Variants in DNA2 observed in about 807,000 individuals in gnomAD.
DNA2 encodes the protein DNA replication ATP-dependent helicase/nuclease DNA2.
A neutral mutation model predicts 119.1 loss-of-function variants in DNA2; 101 were observed. That is an observed-to-expected ratio of 0.85 (90% CI 0.72 to 1.00). The LOEUF (loss-of-function observed/expected upper bound fraction) is 1.00, where lower values mean the gene tolerates loss of function less well. DNA2 is among the 50% of genes least tolerant of loss of function. The pLI, the probability that DNA2 is intolerant of heterozygous loss-of-function variation, is 0.00. For missense variants in DNA2, 1,121 were observed against 1,255.5 expected (o/e 0.89, Z 1.62); for synonymous variants, 366 against 424.4 (o/e 0.86, Z 1.69).
At position 68,471,703 on chromosome 10, in the gene DNA2, C is replaced by A; in HGVS notation, c.74+88G>T. 3 of 1,428,296 alleles carry A rather than the reference C, an allele frequency of 2.1e-6. No homozygotes were observed. The South Asian group carries it at 4.6e-5, about 22-fold the overall frequency. 88.5% of individuals were successfully genotyped at this position (1,428,296 alleles called of 1,614,324 possible). A position where few individuals can be genotyped will look rare whatever the true frequency, so the allele number is the denominator to read the frequency against. On this transcript the variant is annotated intron_variant, in intron 1 of 20. Coordinates refer to ENST00000358410, the MANE Select transcript of DNA2 (RefSeq NM_001080449.3). ...CGGGTCCCTGGGCCCCGGGCCCGGT[C>A]AGTCTGAGGCGGTGCGGACGCAGCC...
At chr10:68,431,776 C>A in intron 13 of DNA2, 86 bp downstream of exon 13, 1 of 843,538 alleles carries the variant, frequency 1.2e-6, no homozygotes, top group Non-Finnish European at 1.9e-6. Context: ...AAATTCAGCC[C>A]TTTTGATATT....
intron 4 of DNA2, among the ~76,000 whole-genome samples, chr10:68,464,829 C>CAAAAAAAA (rs71009067): frequency 2.0e-4 from 8 of 40,666 alleles, no homozygotes; most frequent in African/African-American, 6.7e-4. Flanking sequence ...AACTCCACCT[C>CAAAAAAAA]AAAAAAAAAA....
rs10998206 is a variant in DNA2, at chr10:68,468,492, T to C, written c.258-186A>G. On this transcript the variant is annotated intron_variant, in intron 2 of 20. Coordinates refer to ENST00000358410, the MANE Select transcript of DNA2 (RefSeq NM_001080449.3). ...ACAGTCTTCTAAAACAACCCCTAGT[T>C]ATTCTACCCCTTTCTATGTGTCAAA... Among the ~76,000 whole-genome samples, 44,784 of 151,938 alleles carry C rather than the reference T, an allele frequency of 0.29. 7,273 individuals are homozygous for C. The highest frequency in any genetic ancestry group is 0.42 in the African/African-American group (17,498 of 41,430).
chr10:68,471,556 A>C (rs1271546836), intron 1 of DNA2, among the ~76,000 whole-genome samples: 2 of 152,076 alleles, frequency 1.3e-5, no homozygotes, highest in Non-Finnish European at 2.9e-5. Flanking sequence ...AGGTGAAATC[A>C]AGGGAAACAA....
chr10:68,449,945 G>C, intron 6 of DNA2, 83 bp downstream of exon 6: 1 of 1,024,218 alleles, frequency 9.8e-7, no homozygotes, highest in East Asian at 2.6e-5. Flanking sequence ...CTGCTCTCCA[G>C]CCTGGGAGAC....
rs1215519482 is a variant in DNA2, at chr10:68,432,449, C to T, written c.1708G>A (p.Asp570Asn). The change falls in exon 11 of 21, where the codon GAT becomes AAT. Residue 570 changes from aspartate (D) to asparagine (N), a missense_variant. Transcript: ENST00000358410. ...AGATTTCCTAATGGGGTATCTATATCACAATTTTTTTCTTCTTGGTCTAAT... is the reference window on the plus strand; with the variant it reads ...AGATTTCCTAATGGGGTATCTATATTACAATTTTTTTCTTCTTGGTCTAAT... ...FRLDQEEKNC[D>N]IDTPLGNLSK... The T allele has an allele frequency of 4.4e-6, 7 of 1,593,988 alleles. No individual in the cohort carries two copies. The highest frequency in any genetic ancestry group is 6.0e-6 in the Non-Finnish European group (7 of 1,170,340).
chr10:68,437,401 C>T (rs1306476248), intron 9 of DNA2, among the ~76,000 whole-genome samples, 160 bp from the exon 10 acceptor site: 3 of 151,430 alleles, frequency 2.0e-5, no homozygotes, highest in Non-Finnish European at 4.4e-5. Flanking sequence ...TCCAGGAGGC[C>T]GAGGCGGGTG....
At chr10:68,465,616 C>T (rs1590076648) in intron 4 of DNA2, 51 bp downstream of exon 4, 1 of 1,353,262 alleles carries the variant, frequency 7.4e-7, no homozygotes, top group Non-Finnish European at 1.0e-6. Flanking sequence ...GTTTCTAGGA[C>T]AGAAGTTATA....
intron 14 of DNA2, among the ~76,000 whole-genome samples, chr10:68,425,690 C>G (rs528689437): frequency 6.6e-6 from 1 of 151,342 alleles, no homozygotes; most frequent in Non-Finnish European, 1.5e-5. Flanking sequence ...CGTGAGACAC[C>G]GCGCCCGGCC....
chr10:68,419,549 T>A, intron 18 of DNA2: 1 of 525,808 alleles, frequency 1.9e-6, no homozygotes, highest in East Asian at 3.1e-5. Flanking sequence ...CAATTCCTAA[T>A]CACTACAACA....
In DNA2 at chr10:68,425,138, A is replaced by AGT. The variant is rs2051721731; in HGVS notation, c.2209-2249_2209-2248insAC. ...GAGACAGAGTCTTGCTCTGTAGCCCAGGCTGGAGTGCAGTGGCATTATCTC... is the reference window on the plus strand; with the variant it reads ...GAGACAGAGTCTTGCTCTGTAGCCCAGTGGCTGGAGTGCAGTGGCATTATCTC... On this transcript the variant is annotated intron_variant, in intron 14 of 20. Transcript: ENST00000358410. 1.6e-5 allele frequency: 4 copies of AGT among 244,884 alleles called. No individual in the cohort carries two copies. In the South Asian group the frequency reaches 1.7e-4, roughly 10 times the overall value. The allele number at this position is 244,884 out of a possible 1,614,324, so 15.2% of individuals were successfully genotyped here.
intron 19 of DNA2, among the ~76,000 whole-genome samples, chr10:68,417,896 G>T (rs1460203105): frequency 6.6e-6 from 1 of 152,092 alleles, no homozygotes; most frequent in African/African-American, 2.4e-5. Context: ...GTGAAATAAG[G>T]TAGTCACAAA....
chr10:68,417,977 A>C (rs2051613603), intron 19 of DNA2, among the ~76,000 whole-genome samples: 2 of 152,234 alleles, frequency 1.3e-5, no homozygotes, highest in African/African-American at 4.8e-5. Context: ...AGAATGTAGA[A>C]TGGTGGTTAC....
intron 17 of DNA2, among the ~76,000 whole-genome samples, chr10:68,420,391 G>C (rs2051649072): frequency 6.6e-6 from 1 of 152,160 alleles, no homozygotes; most frequent in Non-Finnish European, 1.5e-5. Context: ...ACAAAAATTA[G>C]CTGGGCGTGG....
At chr10:68,461,828 C>CAAAAAAA (rs554059657) in intron 4 of DNA2, among the ~76,000 whole-genome samples, 5 of 70,282 alleles carry the variant, frequency 7.1e-5, no homozygotes, top group African/African-American at 1.2e-4. Flanking sequence ...AACTCCGTCT[C>CAAAAAAA]AAAAAAAAAA....
chr10:68,425,137 C>G, intron 14 of DNA2: 1 of 260,462 alleles, frequency 3.8e-6, no homozygotes, highest in Non-Finnish European at 7.2e-6. Flanking sequence ...CTCTGTAGCC[C>G]AGGCTGGAGT....
rs184425083 is a variant in DNA2, at chr10:68,471,948, C to T, written c.-84G>A. 1.9e-6 allele frequency: 3 copies of T among 1,612,454 alleles called. No individual in the cohort carries two copies. Among genetic ancestry groups the T allele is most frequent in the African/African-American group, 2.7e-5 (2 of 74,896 alleles). On this transcript the variant is annotated 5_prime_UTR_variant, in exon 1 of 21. Coordinates refer to ENST00000358410, the MANE Select transcript of DNA2 (RefSeq NM_001080449.3). Reference sequence around the variant, plus strand: ...AGAAAGCTTAGAAAAGGGAAAAAGGCGCGAGCCTGCGCACCTCGCGCGCAT... The same window carrying T: ...AGAAAGCTTAGAAAAGGGAAAAAGGTGCGAGCCTGCGCACCTCGCGCGCAT...
At position 68,471,846 on chromosome 10, in the gene DNA2, G is replaced by C; in HGVS notation, c.19C>G (p.Leu7Val). 1 of 1,613,812 alleles carries C rather than the reference G, an allele frequency of 6.2e-7. No homozygotes were observed. The highest frequency in any genetic ancestry group is 1.1e-5 in the South Asian group (1 of 91,080). Reference sequence around the variant, plus strand: ...AAACTCTTCTCCATCAGCAGCTCCAGTTCGTTCAGCTGCTCCATCCTGGAC... The same window carrying C: ...AAACTCTTCTCCATCAGCAGCTCCACTTCGTTCAGCTGCTCCATCCTGGAC... MEQLNE[L>V]ELLMEKSFWE... The change falls in exon 1 of 21, where the codon CTG becomes GTG. Residue 7 changes from leucine (L) to valine (V), a missense_variant. Transcript: ENST00000358410.
upstream of DNA2, among the ~76,000 whole-genome samples, chr10:68,472,422 A>G (rs2052394064): frequency 6.6e-6 from 1 of 152,138 alleles, no homozygotes; most frequent in Non-Finnish European, 1.5e-5. Context: ...GAACTCCTTG[A>G]TCATGCCACG....
Sources: gnomAD v4.1 joint callset for allele counts (sites outside exome capture counted in the v4.1 genomes callset) on GRCh38, gnomAD v4.1.1 for gene constraint, MANE v1.5 for transcripts, NCBI Gene and HGNC (gene_info 2026-07-23, HGNC 2026-07-21) for gene names.